PADI2: variants seen among roughly 807,000 people sequenced by gnomAD.
PADI2 encodes the protein peptidyl arginine deiminase 2.
A neutral mutation model predicts 81.1 loss-of-function variants in PADI2; 70 were observed. The ratio of observed to expected loss-of-function variants is 0.86; its 90% CI spans 0.71 to 1.05. PADI2 has a LOEUF of 1.05. Among genes scored for constraint, PADI2 ranks in the 50% least tolerant of loss-of-function variants. The pLI is 0.00. For synonymous variants in PADI2, 338 were observed against 358.0 expected (o/e 0.94, Z 0.63); for missense variants, 853 against 889.9 (o/e 0.96, Z 0.53).
chr1:17,093,544 C>G (rs929694201), intron 5 of PADI2, 23 bp downstream of exon 5: 2 of 1,447,548 alleles, frequency 1.4e-6, no homozygotes, highest in Non-Finnish European at 1.9e-6. Context: ...ATCCTGCCCC[C>G]CAAGTGCAGG....
At chr1:17,118,263 T>C (rs1268447166) in intron 1 of PADI2, among the ~76,000 whole-genome samples, 1 of 152,030 alleles carries the variant, frequency 6.6e-6, no homozygotes, top group African/African-American at 2.4e-5. Context: ...ACTCATCCGG[T>C]GTCAGCACAG....
chr1:17,076,302 C>CAA (rs1437004352), intron 11 of PADI2, among the ~76,000 whole-genome samples: 4 of 151,892 alleles, frequency 2.6e-5, no homozygotes, highest in Admixed American at 6.6e-5. Context: ...GCAACCTCTG[C>CAA]CTCCCGGGTT....
At chr1:17,094,495 C>T (rs1343201824) in intron 4 of PADI2, among the ~76,000 whole-genome samples, 1 of 152,160 alleles carries the variant, frequency 6.6e-6, no homozygotes, top group East Asian at 1.9e-4. Context: ...AGCAGCTTCC[C>T]CGGGTCCACA....
At chr1:17,082,959 C>T (rs1245315903) in intron 9 of PADI2, 1 of 235,862 alleles carries the variant, frequency 4.2e-6, no homozygotes, top group Non-Finnish European at 8.2e-6. Context: ...CAGCCTCAAA[C>T]TCCTGGGCTC....
intron 3 of PADI2, among the ~76,000 whole-genome samples, chr1:17,097,577 A>G (rs1232725139): frequency 6.6e-6 from 1 of 152,172 alleles, no homozygotes; most frequent in East Asian, 1.9e-4. Flanking sequence ...GCAACGGGCA[A>G]TGGAGGCACA....
At chr1:17,111,848 C>T (rs1450687724) in intron 1 of PADI2, among the ~76,000 whole-genome samples, 2 of 152,100 alleles carry the variant, frequency 1.3e-5, no homozygotes, top group South Asian at 2.1e-4. Flanking sequence ...GGACAGCTTG[C>T]GTGATGGCCT....
At chr1:17,075,052 C>G in intron 12 of PADI2, 103 bp from the exon 13 acceptor site, 2 of 652,166 alleles carry the variant, frequency 3.1e-6, no homozygotes, top group Non-Finnish European at 2.7e-6. Flanking sequence ...TGCTCATTGC[C>G]TCAGGCCTCC....
At chr1:17,114,306 A>G (rs540228947) in intron 1 of PADI2, among the ~76,000 whole-genome samples, 4 of 152,310 alleles carry the variant, frequency 2.6e-5, no homozygotes, top group Non-Finnish European at 1.5e-5. Context: ...TCATTCATTC[A>G]TTCAGGGAGC....
In PADI2 at chr1:17,086,556, A is replaced by G; in HGVS notation, c.799T>C (p.Ser267Pro). ...FPDEGFSGLV[S>P]IHVSLLEYMA... The stretch of plus-strand genomic sequence containing the variant: ...TACTCCAGCAGGCTGACATGGATGG[A>G]GACCAGGCCTGAGAAGCCCTCGTCG... The change falls in exon 7 of 16, where the codon TCC becomes CCC. Residue 267 changes from serine (S) to proline (P), a missense_variant. Physicochemically the swap from Ser to Pro is moderately conservative, Grantham distance 74. Transcript: ENST00000375486. 1.2e-6 allele frequency: 2 copies of G among 1,613,840 alleles called. No homozygotes were observed. Among genetic ancestry groups the G allele is most frequent in the Non-Finnish European group, 1.7e-6 (2 of 1,179,882 alleles).
At chr1:17,091,333 C>T (rs1006172743) in intron 6 of PADI2, among the ~76,000 whole-genome samples, 2 of 150,680 alleles carry the variant, frequency 1.3e-5, no homozygotes. Flanking sequence ...CCCCACGACC[C>T]GCCTTGTACC....
chr1:17,075,247 T>C (rs1437314971), intron 12 of PADI2: 1 of 336,020 alleles, frequency 3.0e-6, no homozygotes, highest in East Asian at 6.1e-5. Context: ...TATGAAGTTG[T>C]ACCCATAAGA....
At chr1:17,070,516 C>T (rs758579827) in intron 14 of PADI2, among the ~76,000 whole-genome samples, 1 of 152,182 alleles carries the variant, frequency 6.6e-6, no homozygotes. Context: ...AGTGACCCCT[C>T]GGGCCACCCC....
At chr1:17,076,912 A>G (rs11587487) in intron 11 of PADI2, among the ~76,000 whole-genome samples, 73,563 of 151,734 alleles carry the variant, frequency 0.48, 18,997 homozygotes, top group Non-Finnish European at 0.59. Flanking sequence ...CAAGGTCTGC[A>G]ATCTCTCCAT....
In PADI2 at chr1:17,082,667, A is replaced by G; in HGVS notation, c.1051-15T>C. On this transcript the variant is annotated splice_polypyrimidine_tract_variant and intron_variant, in intron 9 of 15. Transcript: ENST00000375486. ...TCAATTTCATCCTGCAGGGACACCA[A>G]GGAGAACTGTTAGACGAATCCAGGG... 6.6e-6 allele frequency: 10 copies of G among 1,521,356 alleles called. No individual in the cohort carries two copies. Among genetic ancestry groups the G allele is most frequent in the Non-Finnish European group, 9.0e-6 (10 of 1,107,784 alleles). The allele number at this position is 1,521,356 out of a possible 1,614,324, so 94.2% of individuals were successfully genotyped here. A position where few individuals can be genotyped will look rare whatever the true frequency, so the allele number is the denominator to read the frequency against.
At chr1:17,103,648 C>T (rs987258847) in intron 2 of PADI2, among the ~76,000 whole-genome samples, 20 of 95,762 alleles carry the variant, frequency 2.1e-4, no homozygotes, top group African/African-American at 5.0e-4. Context: ...ACGAAGCCAT[C>T]GTTCCATGGT....
At chr1:17,073,784 A>T (rs2078281603) in intron 13 of PADI2, among the ~76,000 whole-genome samples, 1 of 152,158 alleles carries the variant, frequency 6.6e-6, no homozygotes, top group Non-Finnish European at 1.5e-5. Flanking sequence ...AAAAAGAAGT[A>T]TGAGGAATTG....
intron 3 of PADI2, among the ~76,000 whole-genome samples, chr1:17,097,604 C>T (rs1308409141): frequency 4.6e-5 from 7 of 152,186 alleles, no homozygotes; most frequent in East Asian, 3.9e-4. Flanking sequence ...GCTCTCAAGG[C>T]GTCCACAGTC....
At chr1:17,101,720 G>A (rs931946957) in intron 3 of PADI2, among the ~76,000 whole-genome samples, 2 of 152,188 alleles carry the variant, frequency 1.3e-5, no homozygotes, top group Admixed American at 1.3e-4. Context: ...TGGCTCGGGA[G>A]TTAGTTGTAT....
Position 17,104,878 on chromosome 1 carries a change from C to G in PADI2, c.276G>C (p.Lys92Asn). ...GAGGCTGGACTTCCCGCCGTGGTAC[C>G]TTGTCACTGCTGGCCTCGGTGCTCG... Reference protein sequence around the residue: ...SQASTEASSDKVTVNYYDEEG... With the variant: ...SQASTEASSDNVTVNYYDEEG... The change falls in exon 2 of 16, where the codon AAG becomes AAC. Residue 92 changes from lysine to asparagine, a missense_variant and splice_region_variant. Lys to Asn is a moderately conservative substitution (Grantham distance 94). Coordinates refer to ENST00000375486, the MANE Select transcript of PADI2 (RefSeq NM_007365.3). 6.4e-7 allele frequency: 1 copy of G among 1,567,946 alleles called. No homozygotes were observed. The highest frequency in any genetic ancestry group is 8.7e-7 in the Non-Finnish European group (1 of 1,154,778).
Sources: allele counts gnomAD v4.1 joint callset (sites outside exome capture counted in the v4.1 genomes callset), GRCh38; gene constraint gnomAD v4.1.1; transcripts MANE v1.5; gene names NCBI Gene and HGNC (gene_info 2026-07-23, HGNC 2026-07-21).